The following PLAAT3 variants were observed in gnomAD, a reference collection of about 807,000 sequenced individuals.
PLAAT3 encodes the protein Ca-independent phospholipase A1/2.
A neutral mutation model predicts 16.7 loss-of-function variants in PLAAT3; 21 were observed. That is an observed-to-expected ratio of 1.26 (90% CI 0.89 to 1.81). PLAAT3 has a LOEUF of 1.81. Among genes scored for constraint, PLAAT3 ranks in the 40% most tolerant of loss-of-function variants. The probability of loss-of-function intolerance (pLI) is 0.00; values close to 1 mark genes in which losing one functional copy is unlikely to be tolerated. For missense variants in PLAAT3, 219 were observed against 213.7 expected (o/e 1.02, Z -0.16); for synonymous variants, 76 against 81.7 (o/e 0.93, Z 0.38).
chr11:63,589,409 C>CAAAAA lies in PLAAT3; in HGVS notation c.387+690_387+691insTTTTT, dbSNP rs748851566. Among the ~76,000 whole-genome samples the CAAAAA allele has an allele frequency of 4.6e-4, 14 of 30,696 alleles. 1 individual carries two copies. The highest frequency in any genetic ancestry group is 4.8e-4 in the Non-Finnish European group (6 of 12,558). 20.1% of individuals were successfully genotyped at this position (30,696 alleles called of 152,430 possible). A position where few individuals can be genotyped will look rare whatever the true frequency, so the allele number is the denominator to read the frequency against. On this transcript the variant is annotated intron_variant, in intron 4 of 4. Coordinates refer to ENST00000415826, the MANE Select transcript of PLAAT3 (RefSeq NM_001128203.2). ...CTTCCCAATGTTCTTTTCACCTATG[C>CAAAAA]AAAGAAAAAAAAAAAAAAAAAGATG...
rs1245385800 is a variant in PLAAT3, at chr11:63,601,118, G to A, written c.16-2955C>T. Among the ~76,000 whole-genome samples the A allele has an allele frequency of 9.7e-5, 14 of 143,758 alleles. No individual in the cohort carries two copies. In the East Asian group the frequency reaches 1.3e-3, roughly 13 times the overall value. 94.3% of individuals were successfully genotyped at this position (143,758 alleles called of 152,430 possible). ...CACCCAGGCTGGAGTACAGTGGCAC[G>A]ATCTCGGCTCACTGCAAGCTCCGCT... On this transcript the variant is annotated intron_variant, in intron 2 of 4. Coordinates refer to ENST00000415826, the MANE Select transcript of PLAAT3 (RefSeq NM_001128203.2).
chr11:63,609,940 A>G (rs1791616505), intron 2 of PLAAT3, among the ~76,000 whole-genome samples: 1 of 152,110 alleles, frequency 6.6e-6, no homozygotes, highest in South Asian at 2.1e-4. Flanking sequence ...ACTACCACCA[A>G]GCACTACTGG....
chr11:63,613,960 G>T (rs777330726), intron 2 of PLAAT3, 40 bp downstream of exon 2: 2 of 1,275,280 alleles, frequency 1.6e-6, no homozygotes, highest in Non-Finnish European at 2.3e-6. Context: ...CTAACAGGGG[G>T]CTCCCAGCCC....
At chr11:63,585,112 C>T (rs1937936696) in intron 4 of PLAAT3, among the ~76,000 whole-genome samples, 3 of 151,524 alleles carry the variant, frequency 2.0e-5, no homozygotes, top group African/African-American at 4.9e-5. Context: ...ACTGCAACCT[C>T]CACCTCCCGG....
chr11:63,602,244 C>T (rs1461939466), intron 2 of PLAAT3, among the ~76,000 whole-genome samples: 4 of 150,058 alleles, frequency 2.7e-5, no homozygotes, highest in South Asian at 2.1e-4. Context: ...GAGCCAAGAT[C>T]GCACCACTGC....
chr11:63,588,774 C>G (rs953352916), intron 4 of PLAAT3, among the ~76,000 whole-genome samples: 1 of 151,712 alleles, frequency 6.6e-6, no homozygotes. Flanking sequence ...AAGAGGATAC[C>G]CATTCAAAGG....
chr11:63,611,634 T>C (rs1284605577), intron 2 of PLAAT3, among the ~76,000 whole-genome samples: 1 of 152,198 alleles, frequency 6.6e-6, no homozygotes, highest in East Asian at 1.9e-4. Flanking sequence ...ATGTAGCCAA[T>C]CTCTGTGGTC....
At chr11:63,576,667 A>G (rs910153692) in intron 4 of PLAAT3, among the ~76,000 whole-genome samples, 3 of 152,216 alleles carry the variant, frequency 2.0e-5, no homozygotes, top group Admixed American at 1.3e-4. Flanking sequence ...CAACAATACA[A>G]TGATTTTACA....
intron 2 of PLAAT3, among the ~76,000 whole-genome samples, chr11:63,609,788 C>A (rs1215836216): frequency 6.6e-6 from 1 of 152,150 alleles, no homozygotes; most frequent in Non-Finnish European, 1.5e-5. Flanking sequence ...GCCTCAGCAG[C>A]CCAAAGGTCA....
chr11:63,589,950 C>T, intron 4 of PLAAT3, 150 bp downstream of exon 4: 1 of 642,776 alleles, frequency 1.6e-6, no homozygotes, highest in Non-Finnish European at 2.5e-6. Context: ...CACCCTTGTC[C>T]CCACCCTTGT....
upstream of PLAAT3, chr11:63,616,908 C>T (rs12146691): frequency 1.3e-5 from 2 of 148,864 alleles, no homozygotes; most frequent in South Asian, 4.3e-4. Flanking sequence ...GCGTGAACCC[C>T]GGGGGGCGGA....
At chr11:63,615,196 GTA>G (rs1219362089), upstream of PLAAT3, among the ~76,000 whole-genome samples, 6 of 101,106 alleles carry the variant, frequency 5.9e-5, 1 homozygote, top group African/African-American at 2.4e-4. Context: ...ATATATGTGT[GTA>G]TATATGTGTG....
upstream of PLAAT3, among the ~76,000 whole-genome samples, chr11:63,615,172 G>GTATATATGTGTGTATATGTGTA (rs1407082578): frequency 1.3e-3 from 24 of 18,312 alleles, 8 homozygotes; most frequent in East Asian, 2.9e-3. Context: ...ATATATGTGT[G>GTATATATGTGTGTATATGTGTA]TATATGTGTG....
At chr11:63,575,076 CTG>C in intron 4 of PLAAT3, 30 bp from the exon 5 acceptor site, 2 of 1,440,140 alleles carry the variant, frequency 1.4e-6, no homozygotes, top group Non-Finnish European at 2.0e-6. Flanking sequence ...GGGTCACACT[CTG>C]TGTCAGGATC....
At chr11:63,578,114 TCTA>T (rs2134389986) in intron 4 of PLAAT3, among the ~76,000 whole-genome samples, 1 of 152,100 alleles carries the variant, frequency 6.6e-6, no homozygotes, top group South Asian at 2.1e-4. Context: ...AAACCCCATC[TCTA>T]CTAAAAATAC....
At chr11:63,606,013 T>G (rs1336164116) in intron 2 of PLAAT3, among the ~76,000 whole-genome samples, 3 of 152,184 alleles carry the variant, frequency 2.0e-5, no homozygotes, top group Non-Finnish European at 4.4e-5. Flanking sequence ...TTCTCAGACC[T>G]GAGCCTGCAC....
At chr11:63,611,067 A>C (rs1938680281) in intron 2 of PLAAT3, among the ~76,000 whole-genome samples, 1 of 152,082 alleles carries the variant, frequency 6.6e-6, no homozygotes, top group Non-Finnish European at 1.5e-5. Context: ...AATAGGAGCA[A>C]GATTGCTGTA....
intron 2 of PLAAT3, among the ~76,000 whole-genome samples, chr11:63,603,874 G>A (rs1323008530): frequency 1.1e-4 from 16 of 152,100 alleles, no homozygotes; most frequent in Middle Eastern, 3.2e-3. Context: ...TTTTTAGGCC[G>A]GGCACAGTGG....
intron 4 of PLAAT3, among the ~76,000 whole-genome samples, chr11:63,575,260 G>A (rs931157758): frequency 6.6e-6 from 1 of 152,236 alleles, no homozygotes; most frequent in Admixed American, 6.5e-5. Context: ...AAATTTACAT[G>A]GAACCAAAGA....
Sources: gnomAD v4.1 joint callset for allele counts (sites outside exome capture counted in the v4.1 genomes callset) on GRCh38, gnomAD v4.1.1 for gene constraint, MANE v1.5 for transcripts, NCBI Gene and HGNC (gene_info 2026-07-23, HGNC 2026-07-21) for gene names.